Variants in CNTNAP2 observed in about 807,000 individuals in gnomAD.
The protein encoded by CNTNAP2 is contactin-associated protein-like 2.
A neutral mutation model predicts 155.2 loss-of-function variants in CNTNAP2; 98 were observed. The ratio of observed to expected loss-of-function variants is 0.63; its 90% CI spans 0.54 to 0.75. The LOEUF (loss-of-function observed/expected upper bound fraction) is 0.75. Ranked by LOEUF, CNTNAP2 falls within the 30% of genes least tolerant of loss-of-function variation. The pLI, the probability that CNTNAP2 is intolerant of heterozygous loss-of-function variation, is 0.00. For synonymous variants in CNTNAP2, 651 were observed against 631.2 expected (o/e 1.03, Z -0.47); for missense variants, 1,727 against 1,688.1 (o/e 1.02, Z -0.40).
chr7:147,589,828 A>G (rs1254767331), intron 12 of CNTNAP2, among the ~76,000 whole-genome samples: 2 of 152,170 alleles, frequency 1.3e-5, no homozygotes, highest in East Asian at 1.9e-4. Flanking sequence ...TTGGTATAAC[A>G]CTATACAGTT....
intron 1 of CNTNAP2, among the ~76,000 whole-genome samples, chr7:146,200,734 C>CA (rs1467439180): frequency 6.6e-6 from 1 of 152,054 alleles, no homozygotes; most frequent in African/African-American, 2.4e-5. Context: ...TGCGCAAATG[C>CA]ACTCTGCGAT....
At chr7:147,549,582 AGT>A (rs1247126323) in intron 11 of CNTNAP2, among the ~76,000 whole-genome samples, 1 of 152,134 alleles carries the variant, frequency 6.6e-6, no homozygotes, top group Non-Finnish European at 1.5e-5. Context: ...CGGAGCTTTA[AGT>A]GACCAGGTCA....
intron 1 of CNTNAP2, 53 bp downstream of exon 1, chr7:146,117,026 T>A: frequency 6.8e-7 from 1 of 1,460,924 alleles, no homozygotes; most frequent in Non-Finnish European, 9.4e-7. Context: ...GCGGCATTGA[T>A]GTTTGGCACC....
Position 147,564,863 on chromosome 7 carries a change from A to T in CNTNAP2, c.1897+2606A>T, listed in dbSNP as rs1346967977. Among the ~76,000 whole-genome samples, 4 of 152,300 alleles carry T rather than the reference A, an allele frequency of 2.6e-5. No individual in the cohort carries two copies. The South Asian group carries it at 8.3e-4, about 32-fold the overall frequency. On this transcript the variant is annotated intron_variant, in intron 12 of 23. Coordinates refer to ENST00000361727, the MANE Select transcript of CNTNAP2 (RefSeq NM_014141.6). ...AGAATTTTTTTTCTATTCATTCAAG[A>T]TAGTTACAAACATCAGTGTGTTCAA...
chr7:147,432,411 A>G (rs1797480658), intron 10 of CNTNAP2, among the ~76,000 whole-genome samples: 1 of 152,200 alleles, frequency 6.6e-6, no homozygotes, highest in African/African-American at 2.4e-5. Flanking sequence ...AAAAAATAGA[A>G]ATCATGCTGA....
intron 1 of CNTNAP2, among the ~76,000 whole-genome samples, chr7:146,312,694 A>C (rs1025639365): frequency 6.6e-6 from 1 of 152,074 alleles, no homozygotes; most frequent in Non-Finnish European, 1.5e-5. Context: ...AATTCTTTGT[A>C]CCTCTGATTA....
In CNTNAP2 at chr7:146,822,892, C is replaced by A. The variant is rs989487650; in HGVS notation, c.209-16819C>A. Among the ~76,000 whole-genome samples the A allele has an allele frequency of 9.6e-5, 14 of 145,254 alleles. No individual in the cohort carries two copies. The East Asian group carries it at 1.7e-3, about 17-fold the overall frequency. On this transcript the variant is annotated intron_variant, in intron 2 of 23. Coordinates refer to ENST00000361727, the MANE Select transcript of CNTNAP2 (RefSeq NM_014141.6). The stretch of plus-strand genomic sequence containing the variant: ...ATATACTCATTCTTCAGCATATTTA[C>A]ATGGAAATATACTCATTCTTCAGCA...
chr7:147,870,975 G>T (rs889235770), intron 13 of CNTNAP2, among the ~76,000 whole-genome samples: 3 of 152,084 alleles, frequency 2.0e-5, no homozygotes, highest in African/African-American at 7.2e-5. Flanking sequence ...AGGTAAGAAA[G>T]GAAGGAGGCT....
chr7:147,143,114 G>A (rs774856608), intron 8 of CNTNAP2, among the ~76,000 whole-genome samples: 6 of 152,088 alleles, frequency 3.9e-5, no homozygotes, highest in Admixed American at 3.9e-4. Flanking sequence ...TCAGGAAATA[G>A]GTAATCAATA....
chr7:146,942,462 A>G (rs923200854), intron 3 of CNTNAP2, among the ~76,000 whole-genome samples: 2 of 152,184 alleles, frequency 1.3e-5, no homozygotes, highest in East Asian at 1.9e-4. Context: ...TACAAGGACT[A>G]TTACAAGAAT....
chr7:147,307,215 C>A (rs989511614), intron 9 of CNTNAP2, among the ~76,000 whole-genome samples: 49 of 152,264 alleles, frequency 3.2e-4, no homozygotes, highest in African/African-American at 9.9e-4. Context: ...CCCTTAGCAG[C>A]AGTAAGAAAT....
At chr7:146,358,672 G>C (rs1795039261) in intron 1 of CNTNAP2, among the ~76,000 whole-genome samples, 1 of 152,150 alleles carries the variant, frequency 6.6e-6, no homozygotes, top group South Asian at 2.1e-4. Flanking sequence ...TCTAGAGAGT[G>C]TTAACCAGTT....
intron 17 of CNTNAP2, among the ~76,000 whole-genome samples, chr7:148,150,548 A>G (rs1805278903): frequency 6.6e-6 from 1 of 151,990 alleles, no homozygotes; most frequent in Non-Finnish European, 1.5e-5. Context: ...ACTCTGTCTC[A>G]GAAAAAAAAA....
intron 1 of CNTNAP2, among the ~76,000 whole-genome samples, chr7:146,751,503 G>C (rs145437565): frequency 4.6e-5 from 7 of 152,208 alleles, no homozygotes; most frequent in Middle Eastern, 6.8e-3. Flanking sequence ...TCTTGACTAA[G>C]TGATTCCTAA....
At chr7:147,312,032 C>T (rs184212405) in intron 9 of CNTNAP2, among the ~76,000 whole-genome samples, 140 of 151,962 alleles carry the variant, frequency 9.2e-4, no homozygotes, top group African/African-American at 3.2e-3. Flanking sequence ...GGTTCTGTGG[C>T]TTGTTTTCCA....
At chr7:146,187,851 A>G (rs968909658) in intron 1 of CNTNAP2, among the ~76,000 whole-genome samples, 3 of 152,196 alleles carry the variant, frequency 2.0e-5, no homozygotes, top group South Asian at 4.1e-4. Context: ...CTTCAGTCTG[A>G]AAACTATAAT....
In CNTNAP2 at chr7:147,108,367, A is replaced by T. The variant is rs1346443903; in HGVS notation, c.754+17A>T. 1.6e-5 allele frequency: 25 copies of T among 1,601,448 alleles called. No individual in the cohort carries two copies. The highest frequency in any genetic ancestry group is 2.1e-5 in the Non-Finnish European group (25 of 1,170,924). On this transcript the variant is annotated intron_variant, in intron 5 of 23. Coordinates refer to ENST00000361727, the MANE Select transcript of CNTNAP2 (RefSeq NM_014141.6). ...TAAACTTAGGTGTGTTCTGACTGTC[A>T]GTTCTATTCTTTCCGTTATGGATGT...
intron 10 of CNTNAP2, among the ~76,000 whole-genome samples, chr7:147,485,487 C>A (rs775128329): frequency 6.6e-6 from 1 of 152,210 alleles, no homozygotes; most frequent in South Asian, 2.1e-4. Flanking sequence ...GTTATCATGA[C>A]GTTATTTCAA....
intron 15 of CNTNAP2, among the ~76,000 whole-genome samples, chr7:147,997,387 C>T (rs2116888834): frequency 6.6e-6 from 1 of 151,848 alleles, no homozygotes; most frequent in African/African-American, 2.4e-5. Context: ...AACCCCGTCT[C>T]TATTTAAAAA....
Sources: gnomAD v4.1 joint callset for allele counts (sites outside exome capture counted in the v4.1 genomes callset) on GRCh38, gnomAD v4.1.1 for gene constraint, MANE v1.5 for transcripts, NCBI Gene and HGNC (gene_info 2026-07-23, HGNC 2026-07-21) for gene names.